UBA3: variants seen among roughly 807,000 people sequenced by gnomAD.
UBA3 encodes NEDD8-activating enzyme E1 catalytic subunit.
A neutral mutation model predicts 73.5 loss-of-function variants in UBA3; 26 were observed. The observed-to-expected ratio is 0.35, with a 90% CI of 0.26 to 0.49. The LOEUF (loss-of-function observed/expected upper bound fraction) is 0.49, where lower values mean the gene tolerates loss of function less well. Among genes scored for constraint, UBA3 ranks in the 20% least tolerant of loss-of-function variants. The pLI is 0.98. For synonymous variants in UBA3, 217 were observed against 191.2 expected (o/e 1.13, Z -1.11); for missense variants, 495 against 555.6 (o/e 0.89, Z 1.10).
chr3:69,060,991 C>A (rs1319430105), intron 11 of UBA3, among the ~76,000 whole-genome samples: 2 of 152,190 alleles, frequency 1.3e-5, no homozygotes, highest in African/African-American at 4.8e-5. Context: ...AAACCTCTTT[C>A]CTGAATAAAT....
chr3:69,056,322 C>A, intron 14 of UBA3, 39 bp from the exon 15 acceptor site: 1 of 1,395,938 alleles, frequency 7.2e-7, no homozygotes, highest in Non-Finnish European at 9.8e-7. Flanking sequence ...GCAGCACATG[C>A]ACCAATATTA....
chr3:69,063,117 T>G lies in UBA3; in HGVS notation c.558A>C (p.Glu186Asp), dbSNP rs758502226. 6.2e-7 allele frequency: 1 copy of G among 1,614,020 alleles called. No homozygotes were observed. The highest frequency in any genetic ancestry group is 1.1e-5 in the South Asian group (1 of 91,072). The change falls in exon 9 of 18, where the codon GAA (glutamate) becomes GAC (aspartate). Residue 186 changes from glutamate to aspartate, a missense_variant. Transcript: ENST00000361055. ...TGGAGCTTGGATCTAAGACACCATC[T>G]TCATAATTTAGAAGAGATATCTAGG... ...NGMLISLLNY[E>D]DGVLDPSSIV...
intron 6 of UBA3, among the ~76,000 whole-genome samples, chr3:69,064,529 G>A (rs772788650): frequency 1.3e-5 from 2 of 152,180 alleles, no homozygotes; most frequent in African/African-American, 2.4e-5. Flanking sequence ...GATTTTAAGA[G>A]TTACTGCAAA....
At chr3:69,056,119 T>G in intron 15 of UBA3, 56 bp from the exon 16 acceptor site, 1 of 1,559,070 alleles carries the variant, frequency 6.4e-7, no homozygotes, top group Non-Finnish European at 8.6e-7. Context: ...AAAGATAATT[T>G]TTTTAAGGTT....
rs538813236 is a variant in UBA3 at position 69,080,323 on chromosome 3, C to G, written c.20+11G>C. ...CCCAGCCCGGCGCGTCTGCAGAGCC[C>G]CGGTACTTACGGCTCCTCGCCATCC... On this transcript the variant is annotated intron_variant, in intron 1 of 17. Coordinates refer to ENST00000361055, the MANE Select transcript of UBA3 (RefSeq NM_003968.4). 14 of 1,604,154 alleles carry G rather than the reference C, an allele frequency of 8.7e-6. No individual in the cohort carries two copies. The South Asian group carries it at 1.4e-4, about 17-fold the overall frequency.
At position 69,056,220 on chromosome 3, in the gene UBA3, G is replaced by A. The variant is rs774462987; in HGVS notation, c.1147C>T (p.Gln383Ter). 1 of 1,601,594 alleles carries A rather than the reference G, an allele frequency of 6.2e-7. No individual in the cohort carries two copies. The highest frequency in any genetic ancestry group is 8.5e-7 in the Non-Finnish European group (1 of 1,176,584). The change falls in exon 15 of 18, where the codon CAG (glutamine) becomes TAG (stop). Residue 383 changes from glutamine to a stop codon, truncating the protein, a stop_gained. Transcript: ENST00000361055. LOFTEE classifies it high-confidence loss of function. Reference protein sequence around the residue: ...NIQFSPSAKLQEVLDYLTNSA... With the variant: ...NIQFSPSAKL ...TTGGTTAGATAATCCAAAACCTCCT[G>A]TAGTTTAGCTGATGGAGAAAACTGA...
chr3:69,078,384 TTATG>T (rs1214725386), intron 2 of UBA3, among the ~76,000 whole-genome samples: 1 of 152,236 alleles, frequency 6.6e-6, no homozygotes, highest in African/African-American at 2.4e-5. Context: ...AATTTAATAT[TTATG>T]TGTCCTTTCC....
chr3:69,075,552 C>T lies in UBA3; in HGVS notation c.184-42G>A, dbSNP rs372626721. On this transcript the variant is annotated intron_variant, in intron 3 of 17. Coordinates refer to ENST00000361055, the MANE Select transcript of UBA3 (RefSeq NM_003968.4). ...GGCATATTAAAAGCTGGGTGATAAC[C>T]GCAAAGACTATAAATAAAGCAACAA... 3.6e-5 allele frequency: 47 copies of T among 1,294,736 alleles called. No homozygotes were observed. The African/African-American group carries it at 6.5e-4, about 18-fold the overall frequency. The allele number at this position is 1,294,736 out of a possible 1,614,324, so 80.2% of individuals were successfully genotyped here.
At chr3:69,071,325 CAT>C (rs1455767630) in intron 5 of UBA3, 5 of 423,424 alleles carry the variant, frequency 1.2e-5, no homozygotes, top group African/African-American at 1.1e-4. Context: ...AAAACAAAAA[CAT>C]GTATTTGTTT....
At chr3:69,063,259 G>T (rs2092039005) in intron 8 of UBA3, 122 bp from the exon 9 acceptor site, 3 of 1,338,430 alleles carry the variant, frequency 2.2e-6, no homozygotes, top group Non-Finnish European at 3.1e-6. Context: ...CAAATCAAGG[G>T]ATTATAATAA....
rs751766909 is a variant in UBA3, at chr3:69,056,701, G to GA, written c.1002-9dup. The GA allele has an allele frequency of 1.1e-5, 18 of 1,611,832 alleles. No homozygotes were observed. Among genetic ancestry groups the GA allele is most frequent in the Non-Finnish European group, 1.5e-5 (18 of 1,178,890 alleles). On this transcript the variant is annotated splice_polypyrimidine_tract_variant and intron_variant, in intron 13 of 17. Coordinates refer to ENST00000361055, the MANE Select transcript of UBA3 (RefSeq NM_003968.4). ...TTCAAGGGAATGTATGCACTGTAAT[G>GA]AAAAAATGTTCATCTTTATATAATT...
rs144443395 is a variant in UBA3 at position 69,070,615 on chromosome 3, C to G, written c.347+920G>C. Among the ~76,000 whole-genome samples the G allele has an allele frequency of 1.6e-3, 248 of 152,264 alleles. 3 individuals are homozygous for G. The highest frequency in any genetic ancestry group is 5.7e-3 in the African/African-American group (236 of 41,548). ...TTCATGAATGAACATTTCTTCATGT[C>G]TGGATACATGGTCTACTTCAGTTTT... On this transcript the variant is annotated intron_variant, in intron 5 of 17. Transcript: ENST00000361055.
intron 4 of UBA3, among the ~76,000 whole-genome samples, chr3:69,072,887 T>C (rs1015807864): frequency 6.6e-6 from 1 of 152,190 alleles, no homozygotes; most frequent in African/African-American, 2.4e-5. Flanking sequence ...TCATCCTCGA[T>C]TCCTTTCTCT....
intron 8 of UBA3, 36 bp from the exon 9 acceptor site, chr3:69,063,173 G>T: frequency 1.2e-6 from 2 of 1,607,090 alleles, no homozygotes; most frequent in Non-Finnish European, 1.7e-6. Context: ...AAAGGAGAAG[G>T]GGATAAGAAT....
chr3:69,055,440 A>T lies in UBA3; in HGVS notation c.1389T>A (p.Ser463=), dbSNP rs879140815. 1 of 1,509,262 alleles carries T rather than the reference A, an allele frequency of 6.6e-7. No individual in the cohort carries two copies. 93.5% of individuals were successfully genotyped at this position (1,509,262 alleles called of 1,614,324 possible). The change falls in exon 18 of 18, where the codon TCT becomes TCA. Residue 463 remains serine (S), a synonymous_variant. Transcript: ENST00000361055. ...QTVLFKLHFT[S] Reference sequence around the variant, plus strand: ...TTCTATTATGTGGAGATTTTCCTTAAGAAGTAAAATGAAGTTTGAATAGTA... The same window carrying T: ...TTCTATTATGTGGAGATTTTCCTTATGAAGTAAAATGAAGTTTGAATAGTA...
intron 11 of UBA3, among the ~76,000 whole-genome samples, chr3:69,059,899 T>C (rs763617403): frequency 6.6e-6 from 1 of 152,184 alleles, no homozygotes; most frequent in African/African-American, 2.4e-5. Context: ...TGGAGTAGCC[T>C]CATTTGGCTA....
chr3:69,069,392 A>G (rs887173021), intron 5 of UBA3, among the ~76,000 whole-genome samples: 2 of 152,170 alleles, frequency 1.3e-5, no homozygotes, highest in African/African-American at 4.8e-5. Context: ...CAGTGGCACA[A>G]TCTCGGCTCA....
intron 16 of UBA3, 31 bp downstream of exon 16, chr3:69,055,969 C>A: frequency 6.3e-7 from 1 of 1,596,348 alleles, no homozygotes; most frequent in Non-Finnish European, 8.5e-7. Flanking sequence ...ATATAATTTT[C>A]TGAAAAAAAT....
At chr3:69,065,047 C>T (rs2092057245) in intron 6 of UBA3, among the ~76,000 whole-genome samples, 1 of 151,970 alleles carries the variant, frequency 6.6e-6, no homozygotes, top group Non-Finnish European at 1.5e-5. Context: ...CCTTTGAATG[C>T]TAGGCAAGCA....
Sources: allele counts gnomAD v4.1 joint callset (sites outside exome capture counted in the v4.1 genomes callset), GRCh38; gene constraint gnomAD v4.1.1; transcripts MANE v1.5; gene names NCBI Gene and HGNC (gene_info 2026-07-23, HGNC 2026-07-21).